The following DPP10 variants were observed in gnomAD, a reference collection of about 807,000 sequenced individuals.
DPP10 encodes inactive dipeptidyl peptidase 10.
DPP10 carries 33 observed loss-of-function variants against 120.9 expected under a neutral mutation model. The ratio of observed to expected loss-of-function variants is 0.27; its 90% confidence interval spans 0.21 to 0.37. The LOEUF (loss-of-function observed/expected upper bound fraction) is 0.37. DPP10 is among the 10% of genes least tolerant of loss of function. The pLI is 1.00. For missense variants in DPP10, 816 were observed against 942.8 expected, an observed-to-expected ratio of 0.87 and a Z score of 1.76; for synonymous variants, 337 against 326.1, an observed-to-expected ratio of 1.03 and a Z score of -0.36.
intron 2 of DPP10, among the ~76,000 whole-genome samples, chr2:115,311,237 A>G (rs1207909996): frequency 1.3e-5 from 2 of 152,324 alleles, no homozygotes; most frequent in East Asian, 3.9e-4. Flanking sequence ...ACTCATCTGC[A>G]TGATGGGTAT....
intron 1 of DPP10, among the ~76,000 whole-genome samples, chr2:114,652,658 G>T (rs1414003665): frequency 6.6e-6 from 1 of 152,186 alleles, no homozygotes; most frequent in Non-Finnish European, 1.5e-5. Flanking sequence ...AATTGATGGT[G>T]CTTGTCGAAT....
intron 5 of DPP10, among the ~76,000 whole-genome samples, chr2:115,587,089 C>CTTTTTTTTT (rs756810925): frequency 1.3e-3 from 133 of 103,900 alleles, no homozygotes; most frequent in African/African-American, 2.0e-3. Context: ...TTTTCTCTTT[C>CTTTTTTTTT]TTTTTTTTTT....
chr2:115,827,333 G>A (rs1688436673), intron 21 of DPP10, among the ~76,000 whole-genome samples: 1 of 143,598 alleles, frequency 7.0e-6, no homozygotes, highest in African/African-American at 2.6e-5. Context: ...ATATGTATAT[G>A]TATATGTATA....
intron 1 of DPP10, among the ~76,000 whole-genome samples, chr2:114,744,905 G>A (rs1293603460): frequency 6.6e-6 from 1 of 152,124 alleles, no homozygotes; most frequent in Non-Finnish European, 1.5e-5. Context: ...GGGACTACAG[G>A]TGCCCATTAC....
intron 1 of DPP10, among the ~76,000 whole-genome samples, chr2:115,139,724 T>TAAAAAAAAAAAAAA (rs55826687): frequency 3.7e-4 from 21 of 56,634 alleles, no homozygotes; most frequent in East Asian, 7.0e-4. Context: ...GTAAAAATAC[T>TAAAAAAAAAAAAAA]AAAAAAAAAA....
chr2:114,990,137 T>A (rs1385623000), intron 1 of DPP10, among the ~76,000 whole-genome samples: 1 of 152,172 alleles, frequency 6.6e-6, no homozygotes, highest in Non-Finnish European at 1.5e-5. Context: ...ATGCCAAAGC[T>A]AATTAATGGT....
intron 1 of DPP10, among the ~76,000 whole-genome samples, chr2:114,551,311 C>A (rs139649198): frequency 6.6e-6 from 1 of 152,164 alleles, no homozygotes; most frequent in Admixed American, 6.5e-5. Flanking sequence ...CCGCTGCCCC[C>A]CTGCCTGAAA....
intron 3 of DPP10, chr2:115,469,069 G>A (rs1424543401): frequency 5.6e-6 from 1 of 179,032 alleles, no homozygotes; most frequent in African/African-American, 2.4e-5. Context: ...GGGATTACAG[G>A]CGTGCACCAC....
intron 1 of DPP10, among the ~76,000 whole-genome samples, chr2:114,931,536 T>C (rs927905886): frequency 3.9e-5 from 6 of 152,262 alleles, no homozygotes; most frequent in Middle Eastern, 3.4e-3. Context: ...TCCGCCCCAA[T>C]GACTGAAACA....
At chr2:114,920,166 A>T (rs1362554643) in intron 1 of DPP10, among the ~76,000 whole-genome samples, 1 of 152,190 alleles carries the variant, frequency 6.6e-6, no homozygotes, top group Non-Finnish European at 1.5e-5. Flanking sequence ...GACAGTGGTT[A>T]TCTTGGAAAC....
chr2:114,896,240 C>G (rs995147129), intron 1 of DPP10, among the ~76,000 whole-genome samples: 1 of 152,064 alleles, frequency 6.6e-6, no homozygotes, highest in Non-Finnish European at 1.5e-5. Context: ...TCCATATGAA[C>G]TTTAAAGTAG....
intron 5 of DPP10, among the ~76,000 whole-genome samples, chr2:115,635,192 A>G (rs1171693333): frequency 2.0e-5 from 3 of 150,442 alleles, no homozygotes; most frequent in East Asian, 3.9e-4. Context: ...AAGCTCAGCC[A>G]TCTTAGGCAG....
intron 1 of DPP10, among the ~76,000 whole-genome samples, chr2:114,538,207 C>T (rs1057257838): frequency 2.0e-5 from 3 of 152,186 alleles, no homozygotes; most frequent in African/African-American, 4.8e-5. Flanking sequence ...GTTCTTTGGA[C>T]GGTGTGTCTA....
intron 2 of DPP10, 141 bp downstream of exon 2, chr2:115,309,494 G>T: frequency 1.5e-6 from 1 of 682,030 alleles, no homozygotes. Flanking sequence ...AGCATAATCA[G>T]ACATTTTGCA....
At chr2:114,733,904 T>G (rs1220682272) in intron 1 of DPP10, among the ~76,000 whole-genome samples, 1 of 152,200 alleles carries the variant, frequency 6.6e-6, no homozygotes, top group Non-Finnish European at 1.5e-5. Flanking sequence ...ATCATTTTAC[T>G]AAGCTCATCT....
At chr2:114,711,246 T>G (rs1212554454) in intron 1 of DPP10, among the ~76,000 whole-genome samples, 1 of 152,188 alleles carries the variant, frequency 6.6e-6, no homozygotes, top group Non-Finnish European at 1.5e-5. Context: ...CAGAAAACTT[T>G]TATTCTGGTG....
chr2:115,002,363 C>T (rs560427954), intron 1 of DPP10, among the ~76,000 whole-genome samples: 6 of 152,158 alleles, frequency 3.9e-5, no homozygotes, highest in Admixed American at 1.3e-4. Context: ...CCATATATAA[C>T]AATCAATTCA....
At chr2:115,244,372 C>T (rs867967987) in intron 1 of DPP10, among the ~76,000 whole-genome samples, 2 of 150,676 alleles carry the variant, frequency 1.3e-5, no homozygotes, top group African/African-American at 2.4e-5. Context: ...ATAATCATAG[C>T]AAAATATTTC....
At chr2:115,595,871 C>T (rs150310919) in intron 5 of DPP10, among the ~76,000 whole-genome samples, 141 of 152,044 alleles carry the variant, frequency 9.3e-4, no homozygotes, top group African/African-American at 3.1e-3. Context: ...CCTTTTTACA[C>T]GTCCTACTTT....
Sources: gnomAD v4.1 joint callset for allele counts (sites outside exome capture counted in the v4.1 genomes callset) on GRCh38, gnomAD v4.1.1 for gene constraint, MANE v1.5 for transcripts, NCBI Gene and HGNC (gene_info 2026-07-23, HGNC 2026-07-21) for gene names.